Variants in TCFL5 observed in about 807,000 individuals in gnomAD.
TCFL5 encodes transcription factor like 5, also known as transcription factor-like 5 protein.
A neutral mutation model predicts 44.3 loss-of-function variants in TCFL5; 9 were observed. That is an observed-to-expected ratio of 0.20 (90% CI 0.12 to 0.35). The LOEUF (loss-of-function observed/expected upper bound fraction) is 0.35, where lower values mean the gene tolerates loss of function less well. Among genes scored for constraint, TCFL5 ranks in the 10% least tolerant of loss-of-function variants. The pLI, the probability that TCFL5 is intolerant of heterozygous loss-of-function variation, is 1.00. For missense variants in TCFL5, 603 were observed against 613.4 expected, an observed-to-expected ratio of 0.98 and a Z score of 0.18; for synonymous variants, 319 against 271.6, an observed-to-expected ratio of 1.17 and a Z score of -1.72.
intron 5 of TCFL5, among the ~76,000 whole-genome samples, chr20:62,846,782 G>A (rs1189319031): frequency 2.0e-5 from 3 of 149,362 alleles, no homozygotes; most frequent in African/African-American, 4.9e-5. Flanking sequence ...AAAAAAAAGA[G>A]AGAAAGAAAA....
At chr20:62,848,336 C>T (rs2063769126) in intron 5 of TCFL5, among the ~76,000 whole-genome samples, 1 of 152,210 alleles carries the variant, frequency 6.6e-6, no homozygotes. Context: ...AGACGCCATC[C>T]CGACTGGGGA....
intron 3 of TCFL5, among the ~76,000 whole-genome samples, chr20:62,858,247 A>G (rs1047057219): frequency 6.6e-6 from 1 of 152,256 alleles, no homozygotes; most frequent in Admixed American, 6.5e-5. Flanking sequence ...CGTGTGCGTC[A>G]GTGGAACTGT....
intron 3 of TCFL5, among the ~76,000 whole-genome samples, chr20:62,858,388 A>G (rs1246051515): frequency 6.6e-6 from 1 of 152,248 alleles, no homozygotes; most frequent in Non-Finnish European, 1.5e-5. Flanking sequence ...CGTTTTGGTG[A>G]TATTTTATTC....
intron 4 of TCFL5, 152 bp from the exon 5 acceptor site, chr20:62,854,309 C>T (rs898167889): frequency 1.7e-5 from 18 of 1,030,580 alleles, no homozygotes; most frequent in Middle Eastern, 2.3e-4. Flanking sequence ...GGAAGCCCCA[C>T]GGCTTTGCCA....
At chr20:62,849,024 C>T (rs1042347575) in intron 5 of TCFL5, among the ~76,000 whole-genome samples, 3 of 152,190 alleles carry the variant, frequency 2.0e-5, no homozygotes, top group Admixed American at 6.5e-5. Flanking sequence ...AAAAATTAGC[C>T]GGGCATGGTG....
intron 5 of TCFL5, chr20:62,852,921 T>C: frequency 7.8e-7 from 1 of 1,287,560 alleles, no homozygotes; most frequent in Non-Finnish European, 1.0e-6. Context: ...TCAGCAGAAG[T>C]ATATTCACCC....
Position 62,854,158 on chromosome 20 carries a change from C to CT in TCFL5, c.1239-2dup. 1 of 1,613,942 alleles carries CT rather than the reference C, an allele frequency of 6.2e-7. No homozygotes were observed. Among genetic ancestry groups the CT allele is most frequent in the Non-Finnish European group, 8.5e-7 (1 of 1,179,982 alleles). On this transcript the variant is annotated splice_acceptor_variant, in intron 4 of 5. Coordinates refer to ENST00000335351, the MANE Select transcript of TCFL5 (RefSeq NM_006602.4). LOFTEE classifies it high-confidence loss of function. ...ATCACAGCAAATGCGGATTCTGCGC[C>CT]TATAGTCAAAACCCAAAGTCATCAC...
intron 5 of TCFL5, among the ~76,000 whole-genome samples, chr20:62,850,039 G>C (rs1442985851): frequency 6.6e-6 from 1 of 152,114 alleles, no homozygotes; most frequent in Non-Finnish European, 1.5e-5. Flanking sequence ...GGGCAAATCT[G>C]AATAGTCTGT....
rs1568798155 is a variant in TCFL5 at position 62,860,390 on chromosome 20, T to C, written c.648-82A>G. On this transcript the variant is annotated intron_variant, in intron 1 of 5. Coordinates refer to ENST00000335351, the MANE Select transcript of TCFL5 (RefSeq NM_006602.4). ...ACCATCCCACTCCCATGGCTCTGGCTAGTTTTTCCAGACAGCAACCCAACT... is the reference window on the plus strand; with the variant it reads ...ACCATCCCACTCCCATGGCTCTGGCCAGTTTTTCCAGACAGCAACCCAACT... 6 of 1,347,128 alleles carry C rather than the reference T, an allele frequency of 4.5e-6. No individual in the cohort carries two copies. In the East Asian group the frequency reaches 7.0e-5, roughly 16 times the overall value. The allele number at this position is 1,347,128 out of a possible 1,614,324, so 83.4% of individuals were successfully genotyped here. A position where few individuals can be genotyped will look rare whatever the true frequency, so the allele number is the denominator to read the frequency against.
intron 5 of TCFL5, among the ~76,000 whole-genome samples, chr20:62,843,672 TCA>T (rs920155307): frequency 8.5e-5 from 13 of 152,346 alleles, no homozygotes; most frequent in African/African-American, 3.1e-4. Flanking sequence ...TGAAGTCCAC[TCA>T]CAGTGCTGTG....
Position 62,841,599 on chromosome 20 carries a change from A to C in TCFL5, c.*376T>G. On this transcript the variant is annotated 3_prime_UTR_variant, in exon 6 of 6. Transcript: ENST00000335351. ...GCTAAAGGGGCATATTTAAAAGGTA[A>C]ATAAGTAAAAAGCCGTGTACTTTTT... The C allele has an allele frequency of 6.3e-6, 1 of 159,370 alleles. No individual in the cohort carries two copies. Among genetic ancestry groups the C allele is most frequent in the Non-Finnish European group, 1.4e-5 (1 of 72,660 alleles). 9.9% of individuals were successfully genotyped at this position (159,370 alleles called of 1,614,324 possible).
rs918150546 is a variant in TCFL5, at chr20:62,841,537, A to C, written c.*438T>G. 6.4e-6 allele frequency: 1 copy of C among 155,284 alleles called. No individual in the cohort carries two copies. The highest frequency in any genetic ancestry group is 1.4e-5 in the Non-Finnish European group (1 of 70,036). The allele number at this position is 155,284 out of a possible 1,614,324, so 9.6% of individuals were successfully genotyped here. On this transcript the variant is annotated 3_prime_UTR_variant, in exon 6 of 6. Coordinates refer to ENST00000335351, the MANE Select transcript of TCFL5 (RefSeq NM_006602.4). Reference sequence around the variant, plus strand: ...ATATAACGAATGAAATAAAATTTCCAAACTGTTTTTAGTTAACAATTTAAC... The same window carrying C: ...ATATAACGAATGAAATAAAATTTCCCAACTGTTTTTAGTTAACAATTTAAC...
At chr20:62,844,775 T>C (rs895965587) in intron 5 of TCFL5, 44 of 677,460 alleles carry the variant, frequency 6.5e-5, no homozygotes, top group Non-Finnish European at 8.0e-5. Flanking sequence ...TTTGTTTTTT[T>C]AGTAGAGACA....
chr20:62,857,350 G>C, intron 4 of TCFL5, 45 bp downstream of exon 4: 1 of 1,582,562 alleles, frequency 6.3e-7, no homozygotes, highest in Non-Finnish European at 8.5e-7. Context: ...GTATGACTAA[G>C]GTAATCATAT....
At position 62,861,058 on chromosome 20, in the gene TCFL5, G is replaced by C. The variant is rs2063994100; in HGVS notation, c.613C>G (p.Pro205Ala). ...GCCCCGCCCGGCTCGGGGGGCTCGG[G>C]GCCGCGCGGCGCGGGCGGCGGCTCG... is the stretch of plus-strand genomic sequence containing the variant. ...PAEPPPAPRG[P>A]EPPEPGGALN... The change falls in exon 1 of 6, where the codon CCC becomes GCC. Residue 205 changes from proline (P) to alanine (A), a missense_variant. Pro to Ala is a conservative substitution (Grantham distance 27). This residue lies in a region of TCFL5 where 540 missense variants were observed against 478.7 expected (regional missense o/e 1.13). Coordinates refer to ENST00000335351, the MANE Select transcript of TCFL5 (RefSeq NM_006602.4). This position sits in a 1 kb window ranked among gnomAD's most constrained non-coding sequence, Gnocchi z 4.0. The C allele has an allele frequency of 7.0e-6, 7 of 995,724 alleles. No individual in the cohort carries two copies. The highest frequency in any genetic ancestry group is 8.3e-6 in the Non-Finnish European group (7 of 838,400). The allele number at this position is 995,724 out of a possible 1,614,324, so 61.7% of individuals were successfully genotyped here.
At chr20:62,854,185 G>A (rs756814482) in intron 4 of TCFL5, 28 bp from the exon 5 acceptor site, 35 of 1,611,048 alleles carry the variant, frequency 2.2e-5, no homozygotes, top group Non-Finnish European at 2.9e-5. Flanking sequence ...AGTCATCACC[G>A]AGAGAGACCG....
intron 5 of TCFL5, among the ~76,000 whole-genome samples, chr20:62,847,800 A>G (rs1352259540): frequency 6.6e-6 from 1 of 152,026 alleles, no homozygotes; most frequent in Non-Finnish European, 1.5e-5. Context: ...ACCTGAGGTC[A>G]GGAGTTCGAG....
Position 62,861,434 on chromosome 20 carries a change from C to G in TCFL5, c.237G>C (p.Ser79=), listed in dbSNP as rs576787778. ...ADGELETRLN[S]ALLAAAGPGA... ...CCGGGCCCGCCGCCGCCAGCAGCGC[C>G]GAGTTGAGGCGCGTCTCGAGCTCGC... Residue 79 remains serine, a synonymous_variant, in exon 1 of 6, where the codon TCG becomes TCC. Coordinates refer to ENST00000335351, the MANE Select transcript of TCFL5 (RefSeq NM_006602.4). This position sits in a 1 kb window ranked among gnomAD's most constrained non-coding sequence, Gnocchi z 4.0. 16 of 1,159,608 alleles carry G rather than the reference C, an allele frequency of 1.4e-5. No homozygotes were observed. The South Asian group carries it at 3.0e-4, about 22-fold the overall frequency. The allele number at this position is 1,159,608 out of a possible 1,614,324, so 71.8% of individuals were successfully genotyped here.
intron 5 of TCFL5, among the ~76,000 whole-genome samples, chr20:62,847,807 C>T (rs1419987425): frequency 6.6e-6 from 1 of 152,116 alleles, no homozygotes; most frequent in Admixed American, 6.5e-5. Context: ...GTCAGGAGTT[C>T]GAGACCAGCC....
Sources: allele counts gnomAD v4.1 joint callset (sites outside exome capture counted in the v4.1 genomes callset), GRCh38; gene constraint gnomAD v4.1.1; regional missense constraint gnomAD v4.1.1; non-coding constraint Gnocchi (gnomAD v3.1); transcripts MANE v1.5; gene names NCBI Gene and HGNC (gene_info 2026-07-23, HGNC 2026-07-21).